CCSER1: variants seen among roughly 807,000 people sequenced by gnomAD.
CCSER1 encodes the protein serine-rich coiled-coil domain-containing protein 1.
Under a neutral mutation model 82.0 loss-of-function variants are expected in CCSER1, and 41 were observed. The ratio of observed to expected loss-of-function variants is 0.50; its 90% CI spans 0.39 to 0.65. The LOEUF (loss-of-function observed/expected upper bound fraction) is 0.65, where lower values mean the gene tolerates loss of function less well. Ranked by LOEUF, CCSER1 falls within the 30% of genes least tolerant of loss-of-function variation. The pLI, the probability that CCSER1 is intolerant of heterozygous loss-of-function variation, is 0.00. For missense variants in CCSER1, 1,119 were observed against 1,064.2 expected, an observed-to-expected ratio of 1.05 and a Z score of -0.72; for synonymous variants, 414 against 383.9, an observed-to-expected ratio of 1.08 and a Z score of -0.92.
chr4:90,885,442 A>C (rs1297266426), intron 8 of CCSER1, among the ~76,000 whole-genome samples: 2 of 152,206 alleles, frequency 1.3e-5, no homozygotes, highest in Non-Finnish European at 2.9e-5. Flanking sequence ...GACCTGCCCT[A>C]TATAGTAACA....
chr4:91,253,152 C>T (rs1210952218), intron 10 of CCSER1, among the ~76,000 whole-genome samples: 1 of 152,138 alleles, frequency 6.6e-6, no homozygotes, highest in South Asian at 2.1e-4. Flanking sequence ...TCCTCTTTCT[C>T]CTCCTGCTCA....
chr4:90,878,323 T>C (rs1159935107), intron 8 of CCSER1, among the ~76,000 whole-genome samples: 1 of 152,172 alleles, frequency 6.6e-6, no homozygotes, highest in Non-Finnish European at 1.5e-5. Flanking sequence ...TCCTTTCAGA[T>C]TCTCTCAGTC....
At chr4:91,381,533 A>T (rs575182598) in intron 10 of CCSER1, among the ~76,000 whole-genome samples, 6 of 152,210 alleles carry the variant, frequency 3.9e-5, no homozygotes, top group South Asian at 2.1e-4. Context: ...CCATTGATCA[A>T]ATCGGCTACT....
chr4:90,456,032 A>G (rs2153580797), intron 4 of CCSER1, among the ~76,000 whole-genome samples: 1 of 152,290 alleles, frequency 6.6e-6, no homozygotes, highest in South Asian at 2.1e-4. Context: ...GGGGCAGCCC[A>G]TCTCTTGCTT....
intron 10 of CCSER1, among the ~76,000 whole-genome samples, chr4:91,089,570 A>G (rs1467493891): frequency 6.6e-6 from 1 of 152,144 alleles, no homozygotes; most frequent in Non-Finnish European, 1.5e-5. Context: ...TTCCCGTGCA[A>G]TAGATTGATA....
chr4:90,843,547 C>T (rs1762832181), intron 8 of CCSER1, among the ~76,000 whole-genome samples: 1 of 152,256 alleles, frequency 6.6e-6, no homozygotes, highest in Middle Eastern at 3.4e-3. Flanking sequence ...CCTATCTCAA[C>T]ATCCAAGTAT....
intron 6 of CCSER1, among the ~76,000 whole-genome samples, chr4:90,717,818 G>A (rs907029163): frequency 6.6e-6 from 1 of 150,842 alleles, no homozygotes; most frequent in Admixed American, 6.6e-5. Flanking sequence ...TATGAGAGAT[G>A]TTTTTCTGTG....
intron 10 of CCSER1, among the ~76,000 whole-genome samples, chr4:91,187,967 G>T (rs900323656): frequency 1.3e-5 from 2 of 151,948 alleles, no homozygotes; most frequent in Non-Finnish European, 2.9e-5. Context: ...GTTAAATGTT[G>T]CTATGATAGT....
rs959973655 is a variant in CCSER1 at position 90,365,982 on chromosome 4, C to T, written c.1510-34054C>T. On this transcript the variant is annotated intron_variant, in intron 3 of 10. Coordinates refer to ENST00000509176, the MANE Select transcript of CCSER1 (RefSeq NM_001145065.2). ...ACAGCATTTTTGTCTGATTTTTTTT[C>T]GTAGTAGCCATAGCCAAATATTACA... 2.8e-4 allele frequency among the ~76,000 whole-genome samples: 43 copies of T among 151,250 alleles called. 1 individual carries two copies. Among genetic ancestry groups the T allele is most frequent in the African/African-American group, 8.0e-4 (33 of 41,254 alleles).
At chr4:91,400,823 G>A (rs373222130) in intron 10 of CCSER1, among the ~76,000 whole-genome samples, 38 of 151,488 alleles carry the variant, frequency 2.5e-4, no homozygotes, top group African/African-American at 8.9e-4. Flanking sequence ...TAAGTCTATG[G>A]TTGTACCATT....
intron 9 of CCSER1, among the ~76,000 whole-genome samples, chr4:90,924,318 C>T (rs1728778668): frequency 6.6e-6 from 1 of 151,992 alleles, no homozygotes; most frequent in Non-Finnish European, 1.5e-5. Flanking sequence ...TGTTAAATAA[C>T]AAACTTGGAT....
At chr4:91,310,233 T>C (rs981448601) in intron 10 of CCSER1, among the ~76,000 whole-genome samples, 9 of 151,832 alleles carry the variant, frequency 5.9e-5, no homozygotes, top group African/African-American at 2.2e-4. Context: ...ATTGGCCTGA[T>C]TGGCTGCCAT....
chr4:91,209,772 G>T (rs932138110), intron 10 of CCSER1, among the ~76,000 whole-genome samples: 5 of 151,774 alleles, frequency 3.3e-5, no homozygotes, highest in Admixed American at 3.3e-4. Context: ...TTATTGGTCT[G>T]TTCATGGATT....
chr4:90,749,964 A>G (rs1378334847), intron 7 of CCSER1, among the ~76,000 whole-genome samples: 1 of 152,020 alleles, frequency 6.6e-6, no homozygotes, highest in Non-Finnish European at 1.5e-5. Flanking sequence ...TTGTTTCCTG[A>G]CTTTTTAATG....
chr4:90,348,467 T>C (rs1377603167), intron 3 of CCSER1, among the ~76,000 whole-genome samples: 6 of 152,184 alleles, frequency 3.9e-5, no homozygotes, highest in Non-Finnish European at 7.3e-5. Flanking sequence ...CATTCTTATC[T>C]CAATAGGGCA....
chr4:91,113,472 C>T (rs1726263821), intron 10 of CCSER1, among the ~76,000 whole-genome samples: 1 of 152,144 alleles, frequency 6.6e-6, no homozygotes, highest in Admixed American at 6.5e-5. Context: ...ATTAGTAGGT[C>T]ATACAGCTAG....
At chr4:90,712,372 C>T (rs1377402443) in intron 6 of CCSER1, among the ~76,000 whole-genome samples, 1 of 151,986 alleles carries the variant, frequency 6.6e-6, no homozygotes, top group Non-Finnish European at 1.5e-5. Context: ...CAAAGGACTT[C>T]TTGATTTCTT....
intron 10 of CCSER1, among the ~76,000 whole-genome samples, chr4:91,532,525 G>A (rs542392726): frequency 6.6e-6 from 1 of 152,172 alleles, no homozygotes; most frequent in South Asian, 2.1e-4. Context: ...TAGATAAAAG[G>A]CAAAGTAATT....
At chr4:91,289,148 G>T (rs992913737) in intron 10 of CCSER1, among the ~76,000 whole-genome samples, 4 of 151,884 alleles carry the variant, frequency 2.6e-5, no homozygotes, top group Non-Finnish European at 4.4e-5. Flanking sequence ...AAGCTTGGGG[G>T]TAACCATAGC....
Sources: allele counts gnomAD v4.1 joint callset (sites outside exome capture counted in the v4.1 genomes callset), GRCh38; gene constraint gnomAD v4.1.1; transcripts MANE v1.5; gene names NCBI Gene and HGNC (gene_info 2026-07-23, HGNC 2026-07-21).